Variants in YAP1 observed in about 807,000 individuals in gnomAD.
YAP1 encodes the protein Yes1 associated transcriptional regulator.
In YAP1, 5 loss-of-function variants were observed where a neutral mutation model predicts 56.9. That is an observed-to-expected ratio of 0.09 (90% confidence interval 0.05 to 0.18). The LOEUF is 0.18. YAP1 is among the 10% of genes least tolerant of loss of function. The pLI, the probability that YAP1 is intolerant of heterozygous loss-of-function variation, is 1.00. For synonymous variants in YAP1, 265 were observed against 248.1 expected (o/e 1.07, Z -0.64); for missense variants, 539 against 651.8 (o/e 0.83, Z 1.88).
At chr11:102,113,583 A>G (rs2135109395) in intron 1 of YAP1, among the ~76,000 whole-genome samples, 1 of 152,286 alleles carries the variant, frequency 6.6e-6, no homozygotes, top group South Asian at 2.1e-4. Flanking sequence ...ACATTTGGGC[A>G]GTTCAAATTT....
chr11:102,217,134 C>T (rs1949707232), intron 6 of YAP1, among the ~76,000 whole-genome samples: 1 of 152,156 alleles, frequency 6.6e-6, no homozygotes, highest in Admixed American at 6.5e-5. Flanking sequence ...CAAGACCTAG[C>T]CATAAGCCAT....
At chr11:102,178,099 T>C (rs1373965063) in intron 3 of YAP1, among the ~76,000 whole-genome samples, 2 of 152,166 alleles carry the variant, frequency 1.3e-5, no homozygotes, top group Non-Finnish European at 2.9e-5. Context: ...ACCTCCATCG[T>C]AGGGTTGTTA....
At chr11:102,191,739 A>G (rs1948295551) in intron 4 of YAP1, among the ~76,000 whole-genome samples, 1 of 152,058 alleles carries the variant, frequency 6.6e-6, no homozygotes, top group South Asian at 2.1e-4. Context: ...AGAGTGCAGC[A>G]TGGCTCAATC....
chr11:102,187,728 T>C (rs117175118), intron 4 of YAP1, among the ~76,000 whole-genome samples: 1,622 of 152,318 alleles, frequency 0.011, 16 homozygotes, highest in Middle Eastern at 0.037. Context: ...ACAACTTTTC[T>C]GTAAGCTTAA....
At chr11:102,124,248 C>T (rs992150476) in intron 2 of YAP1, among the ~76,000 whole-genome samples, 8 of 152,030 alleles carry the variant, frequency 5.3e-5, no homozygotes, top group Non-Finnish European at 8.8e-5. Flanking sequence ...CTGCTGCGCC[C>T]GGCACTCCAT....
intron 2 of YAP1, among the ~76,000 whole-genome samples, chr11:102,114,909 T>A (rs1591102938): frequency 6.6e-6 from 1 of 152,296 alleles, no homozygotes; most frequent in East Asian, 1.9e-4. Context: ...TGAAGCTTGA[T>A]GTGACTTACC....
At chr11:102,119,594 T>TAA (rs987045522) in intron 2 of YAP1, among the ~76,000 whole-genome samples, 1 of 147,468 alleles carries the variant, frequency 6.8e-6, no homozygotes. Flanking sequence ...TCTTAGCCAT[T>TAA]AAAAAAAAAC....
At chr11:102,120,240 T>G (rs1943567360) in intron 2 of YAP1, among the ~76,000 whole-genome samples, 1 of 152,214 alleles carries the variant, frequency 6.6e-6, no homozygotes, top group South Asian at 2.1e-4. Context: ...GCTTGACCCC[T>G]TCTAAATGCA....
chr11:102,165,011 C>T (rs1009366497), intron 3 of YAP1, among the ~76,000 whole-genome samples: 1 of 152,126 alleles, frequency 6.6e-6, no homozygotes, highest in Non-Finnish European at 1.5e-5. Flanking sequence ...GCATGAGCCA[C>T]CATGTCCAGC....
intron 2 of YAP1, among the ~76,000 whole-genome samples, chr11:102,133,222 A>G (rs1944471142): frequency 1.3e-5 from 2 of 152,222 alleles, no homozygotes; most frequent in Non-Finnish European, 1.5e-5. Flanking sequence ...TTTACTTAAA[A>G]AGATTTTTAA....
Position 102,153,467 on chromosome 11 carries a change from A to G in YAP1, c.573-8989A>G, listed in dbSNP as rs983630080. Among the ~76,000 whole-genome samples the G allele has an allele frequency of 3.3e-5, 5 of 152,166 alleles. No individual in the cohort carries two copies. The East Asian group carries it at 9.6e-4, about 29-fold the overall frequency. The stretch of plus-strand genomic sequence containing the variant: ...CATCTTTCTTTTATAATTCTTAGGT[A>G]TGTCAGTCTTCTCACCTTAAAATGC... On this transcript the variant is annotated intron_variant, in intron 2 of 8. Transcript: ENST00000282441.
intron 3 of YAP1, among the ~76,000 whole-genome samples, chr11:102,184,095 AG>A (rs147391614): frequency 1.1e-4 from 8 of 72,852 alleles, no homozygotes; most frequent in Admixed American, 1.8e-4. Flanking sequence ...AAAAAAAAAA[AG>A]AAAGCTACAA....
chr11:102,208,756 T>G (rs912372402), intron 5 of YAP1, among the ~76,000 whole-genome samples: 2 of 152,152 alleles, frequency 1.3e-5, no homozygotes, highest in African/African-American at 4.8e-5. Context: ...ATAAAAACTG[T>G]CAAAATCAAG....
intron 6 of YAP1, among the ~76,000 whole-genome samples, chr11:102,216,317 G>A (rs751612125): frequency 2.6e-5 from 4 of 151,754 alleles, no homozygotes; most frequent in Non-Finnish European, 5.9e-5. Context: ...TTTGTTTCAG[G>A]GTTATCTAGA....
chr11:102,178,565 T>C (rs189410905), intron 3 of YAP1, among the ~76,000 whole-genome samples: 1 of 152,360 alleles, frequency 6.6e-6, no homozygotes, highest in East Asian at 1.9e-4. Context: ...CTTTTTAAAA[T>C]ATCACAGGGA....
intron 2 of YAP1, among the ~76,000 whole-genome samples, chr11:102,159,689 C>A (rs1378444214): frequency 1.3e-5 from 2 of 152,130 alleles, no homozygotes; most frequent in Non-Finnish European, 2.9e-5. Context: ...ATTACCTCAA[C>A]CCTGGAAAGT....
chr11:102,136,648 G>T (rs190284992), intron 2 of YAP1, among the ~76,000 whole-genome samples: 2 of 151,966 alleles, frequency 1.3e-5, no homozygotes, highest in African/African-American at 4.8e-5. Context: ...CCACTGCACC[G>T]GGCTCATTTT....
At chr11:102,143,528 C>T (rs371313873) in intron 2 of YAP1, among the ~76,000 whole-genome samples, 1 of 152,100 alleles carries the variant, frequency 6.6e-6, no homozygotes, top group Non-Finnish European at 1.5e-5. Flanking sequence ...GCCAGCACAC[C>T]CCCCATATCT....
At chr11:102,154,663 C>A (rs1591254798) in intron 2 of YAP1, among the ~76,000 whole-genome samples, 1 of 152,108 alleles carries the variant, frequency 6.6e-6, no homozygotes, top group African/African-American at 2.4e-5. Flanking sequence ...TGGTAAGCCA[C>A]CTTAATATCT....
Sources: gnomAD v4.1 joint callset for allele counts (sites outside exome capture counted in the v4.1 genomes callset) on GRCh38, gnomAD v4.1.1 for gene constraint, MANE v1.5 for transcripts, NCBI Gene and HGNC (gene_info 2026-07-23, HGNC 2026-07-21) for gene names.